The following SERHL2 variants were observed in gnomAD, a reference collection of about 807,000 sequenced individuals.
SERHL2 encodes the protein serine hydrolase-like protein 2.
In SERHL2, 29 loss-of-function variants were observed where a neutral mutation model predicts 25.5. The ratio of observed to expected loss-of-function variants is 1.14; its 90% CI spans 0.85 to 1.55. The LOEUF is 1.55. Ranked by LOEUF, SERHL2 falls within the 40% of genes most tolerant of loss-of-function variation. SERHL2 has a pLI of 0.00. For synonymous variants in SERHL2, 95 were observed against 103.5 expected (o/e 0.92, Z 0.50); for missense variants, 240 against 252.3 (o/e 0.95, Z 0.33).
intron 11 of SERHL2, 154 bp downstream of exon 11, chr22:42,572,683 G>T: frequency 1.0e-6 from 1 of 984,666 alleles, no homozygotes; most frequent in African/African-American, 1.7e-5. Context: ...CTCCACTGTG[G>T]TCAGTCCCTA....
In SERHL2 at chr22:42,572,416, C is replaced by G. The variant is rs1601862185; in HGVS notation, c.732-20C>G. 1 of 1,589,566 alleles carries G rather than the reference C, an allele frequency of 6.3e-7. No homozygotes were observed. The highest frequency in any genetic ancestry group is 8.6e-7 in the Non-Finnish European group (1 of 1,159,590). ...GGTTCTAAGATGAACCCCAACAACC[C>G]CCAACTCCTCACTTTCCAGAGCAGT... On this transcript the variant is annotated intron_variant, in intron 10 of 11. Coordinates refer to ENST00000327678, the MANE Select transcript of SERHL2 (RefSeq NM_014509.5).
intron 8 of SERHL2, 90 bp downstream of exon 8, chr22:42,560,355 T>C: frequency 1.0e-6 from 1 of 955,558 alleles, no homozygotes; most frequent in Non-Finnish European, 1.7e-6. Flanking sequence ...GGCAGGATAC[T>C]AAGCGCTTTG....
At chr22:42,573,557 G>C in intron 11 of SERHL2, 1 of 225,344 alleles carries the variant, frequency 4.4e-6, no homozygotes, top group Non-Finnish European at 8.8e-6. Flanking sequence ...ACTGCGCCCG[G>C]CCCTGTCTGG....
intron 8 of SERHL2, among the ~76,000 whole-genome samples, chr22:42,565,625 T>G (rs1360512327): frequency 2.0e-5 from 3 of 151,608 alleles, no homozygotes. Context: ...TGCCTGGCCT[T>G]GGCTAATTTT....
chr22:42,560,864 T>C (rs1222957945), intron 8 of SERHL2, among the ~76,000 whole-genome samples: 9 of 151,860 alleles, frequency 5.9e-5, no homozygotes, highest in Non-Finnish European at 4.4e-5. Context: ...GCCTCCTGAG[T>C]AGCTGGGACT....
In SERHL2 at chr22:42,560,231, TCTC is replaced by T; in HGVS notation, c.582_584del (p.Leu195del). ...ACTTGAGTGAGGAGTGCGGGGAGCT[TCTC>T]CTGCAAAGAGGAACCACGAAGGTGG... is the stretch of plus-strand genomic sequence containing the variant. On this transcript the variant is annotated inframe_deletion, in exon 8 of 12. Transcript: ENST00000327678. 1 of 1,612,992 alleles carries T rather than the reference TCTC, an allele frequency of 6.2e-7. No individual in the cohort carries two copies. The highest frequency in any genetic ancestry group is 8.5e-7 in the Non-Finnish European group (1 of 1,179,282).
rs771070052 is a variant in SERHL2, at chr22:42,571,161, C to G, written c.689C>G (p.Ala230Gly). 1 of 1,613,186 alleles carries G rather than the reference C, an allele frequency of 6.2e-7. No individual in the cohort carries two copies. Among genetic ancestry groups the G allele is most frequent in the Non-Finnish European group, 8.5e-7 (1 of 1,179,540 alleles). Residue 230 changes from alanine (A) to glycine (G), a missense_variant, in exon 10 of 12, where the codon GCG becomes GGG. Physicochemically the swap from Ala to Gly is moderately conservative, Grantham distance 60. Around this residue, in one of 4 missense-constraint regions of SERHL2, gnomAD observed 212 missense variants for 168.9 expected, o/e 1.25. Transcript: ENST00000327678. ...GACTTCATCAGCAGGGAGCTGTGTG[C>G]GCATTCCATCAGGAAGCTGCAGGCC... Reference protein sequence around the residue: ...SIDFISRELCAHSIRKLQAHV... With the variant: ...SIDFISRELCGHSIRKLQAHV...
chr22:42,556,343 G>A, intron 5 of SERHL2, 171 bp from the exon 6 acceptor site: 2 of 546,902 alleles, frequency 3.7e-6, no homozygotes, highest in Non-Finnish European at 6.7e-6. Context: ...GCAGACTTAG[G>A]GGTGGTGGGG....
intron 10 of SERHL2, chr22:42,571,546 C>T: frequency 1.0e-6 from 1 of 952,508 alleles, no homozygotes; most frequent in Non-Finnish European, 1.3e-6. Context: ...CTGCCTCAGC[C>T]TCCCGAGTAG....
chr22:42,560,281 G>A lies in SERHL2; in HGVS notation c.613+16G>A. The A allele has an allele frequency of 6.4e-7, 1 of 1,573,236 alleles. No individual in the cohort carries two copies. The highest frequency in any genetic ancestry group is 8.8e-7 in the Non-Finnish European group (1 of 1,142,794). ...GTGGCCACAGGTAAGGGACTCTACT[G>A]TCCAAGGCCATTTTATATTTGTCAC... On this transcript the variant is annotated intron_variant, in intron 8 of 11. Transcript: ENST00000327678.
chr22:42,572,068 G>A (rs1601861266), intron 10 of SERHL2, among the ~76,000 whole-genome samples: 1 of 152,130 alleles, frequency 6.6e-6, no homozygotes, highest in South Asian at 2.1e-4. Flanking sequence ...AAAAACCACA[G>A]AATTGTAGAC....
chr22:42,568,641 A>G (rs1190511989), intron 9 of SERHL2, among the ~76,000 whole-genome samples: 1 of 151,932 alleles, frequency 6.6e-6, no homozygotes, highest in Non-Finnish European at 1.5e-5. Context: ...AGCTGGCCCA[A>G]AATTCTCTTT....
rs1921902890 is a variant in SERHL2, at chr22:42,553,969, G to T, written c.-52G>T. On this transcript the variant is annotated 5_prime_UTR_variant, in exon 1 of 12. Transcript: ENST00000327678. The stretch of plus-strand genomic sequence containing the variant: ...ATTGCGGGCGTCACTCTGCTCCTGC[G>T]ACCTAGCCAGGCGTGAGGGAGTGAC... 1 of 1,609,522 alleles carries T rather than the reference G, an allele frequency of 6.2e-7. No homozygotes were observed. The highest frequency in any genetic ancestry group is 8.5e-7 in the Non-Finnish European group (1 of 1,176,960).
intron 8 of SERHL2, among the ~76,000 whole-genome samples, chr22:42,560,883 G>C (rs552287993): frequency 2.6e-5 from 4 of 151,952 alleles, no homozygotes; most frequent in African/African-American, 9.6e-5. Context: ...CTACAGGTGT[G>C]AGCTACTGTG....
chr22:42,559,146 G>C (rs1176320304), intron 7 of SERHL2, among the ~76,000 whole-genome samples: 9 of 95,694 alleles, frequency 9.4e-5, no homozygotes, highest in Non-Finnish European at 1.7e-4. Flanking sequence ...TGTAATCCCA[G>C]CACATTGGGA....
At chr22:42,561,109 G>C (rs1229823414) in intron 8 of SERHL2, among the ~76,000 whole-genome samples, 1 of 151,926 alleles carries the variant, frequency 6.6e-6, no homozygotes, top group Non-Finnish European at 1.5e-5. Flanking sequence ...ATACACAGGT[G>C]AACAGGCACA....
chr22:42,572,170 C>T (rs1202045098), intron 10 of SERHL2, among the ~76,000 whole-genome samples: 3 of 152,082 alleles, frequency 2.0e-5, no homozygotes, highest in Non-Finnish European at 4.4e-5. Flanking sequence ...CTTTTCAGGG[C>T]TGACTGTGAC....
At chr22:42,561,389 G>T (rs1174824204) in intron 8 of SERHL2, among the ~76,000 whole-genome samples, 3 of 148,838 alleles carry the variant, frequency 2.0e-5, no homozygotes, top group Admixed American at 1.4e-4. Context: ...AAGGTCTTGG[G>T]TTTTTTGCGC....
chr22:42,557,644 T>A (rs1922274072), intron 6 of SERHL2, among the ~76,000 whole-genome samples: 2 of 36,358 alleles, frequency 5.5e-5, no homozygotes, highest in African/African-American at 1.1e-4. Flanking sequence ...ACATCCCCAA[T>A]CCTGGCACCT....
Sources: gnomAD v4.1 joint callset for allele counts (sites outside exome capture counted in the v4.1 genomes callset) on GRCh38, gnomAD v4.1.1 for gene constraint, gnomAD v4.1.1 regional missense constraint, MANE v1.5 for transcripts, NCBI Gene and HGNC (gene_info 2026-07-23, HGNC 2026-07-21) for gene names.